Variants in SAMSN1 observed in about 807,000 individuals in gnomAD.
The protein encoded by SAMSN1 is SAM domain, SH3 domain and nuclear localization signals 1.
Under a neutral mutation model 42.0 loss-of-function variants are expected in SAMSN1, and 31 were observed. The ratio of observed to expected loss-of-function variants is 0.74; its 90% confidence interval spans 0.55 to 1.00. The LOEUF is 1.00. Ranked by LOEUF, SAMSN1 falls within the 50% of genes least tolerant of loss-of-function variation. The pLI is 0.00. For missense variants in SAMSN1, 464 were observed against 439.4 expected (o/e 1.06, Z -0.50); for synonymous variants, 178 against 151.9 (o/e 1.17, Z -1.26).
At position 14,577,048 on chromosome 21, in the gene SAMSN1, CTTT is replaced by C. The variant is rs991163598; in HGVS notation, c.261+5085_261+5087del. Reference sequence around the variant, plus strand: ...GTTTATGTCTAGATTGCATCCGTTTCTTTTTTTTTTTTTTTTTTTTTTTTTGAG... The same window carrying C: ...GTTTATGTCTAGATTGCATCCGTTTCTTTTTTTTTTTTTTTTTTTTTTGAG... On this transcript the variant is annotated intron_variant, in intron 2 of 8. Coordinates refer to the SAMSN1 transcript ENST00000285670. 2.5e-3 allele frequency among the ~76,000 whole-genome samples: 137 copies of C among 54,890 alleles called. 2 individuals carry two copies. The highest frequency in any genetic ancestry group is 9.5e-3 in the African/African-American group (130 of 13,646). The allele number at this position is 54,890 out of a possible 152,430, so 36.0% of individuals were successfully genotyped here.
chr21:14,603,019 G>T (rs984276994), intron 5 of SAMSN1, among the ~76,000 whole-genome samples: 2 of 152,166 alleles, frequency 1.3e-5, no homozygotes, highest in Non-Finnish European at 2.9e-5. Context: ...TATTTAAAAT[G>T]AGAGTAACCA....
intron 1 of SAMSN1, among the ~76,000 whole-genome samples, chr21:14,650,181 G>T (rs1405402639): frequency 1.3e-5 from 2 of 152,062 alleles, no homozygotes; most frequent in African/African-American, 4.8e-5. Flanking sequence ...CTTCACTATA[G>T]AGTAAATTGA....
chr21:14,564,982 T>C (rs1981063187), intron 2 of SAMSN1, among the ~76,000 whole-genome samples: 1 of 151,970 alleles, frequency 6.6e-6, no homozygotes, highest in African/African-American at 2.4e-5. Flanking sequence ...AGGGAGCTTG[T>C]AAAACCAAGA....
intron 1 of SAMSN1, among the ~76,000 whole-genome samples, chr21:14,652,705 G>T (rs142578854): frequency 6.6e-6 from 1 of 151,902 alleles, no homozygotes; most frequent in Non-Finnish European, 1.5e-5. Context: ...ATGTTGAAAA[G>T]CTTCCGCACA....
At position 14,577,278 on chromosome 21, in the gene SAMSN1, A is replaced by T. The variant is rs1170611192; in HGVS notation, c.261+4858T>A. On this transcript the variant is annotated intron_variant, in intron 2 of 8. Coordinates refer to the SAMSN1 transcript ENST00000285670. ...TATATATATATATATATATATATAT[A>T]TATATATTTTTTTTTTAGAAGAGAC... is the stretch of plus-strand genomic sequence containing the variant. Among the ~76,000 whole-genome samples the T allele has an allele frequency of 9.9e-3, 469 of 47,574 alleles. 31 individuals are homozygous for T. The highest frequency in any genetic ancestry group is 0.043 in the African/African-American group (312 of 7,320). The allele number at this position is 47,574 out of a possible 152,430, so 31.2% of individuals were successfully genotyped here.
At chr21:14,530,453 A>G (rs904013709) in intron 1 of SAMSN1, among the ~76,000 whole-genome samples, 2 of 152,198 alleles carry the variant, frequency 1.3e-5, no homozygotes, top group African/African-American at 2.4e-5. Context: ...AAATGTGTCT[A>G]GTATCTAATA....
intron 4 of SAMSN1, among the ~76,000 whole-genome samples, chr21:14,611,383 A>T (rs1982702962): frequency 6.6e-6 from 1 of 152,270 alleles, no homozygotes; most frequent in Admixed American, 6.5e-5. Flanking sequence ...CAGATAAATC[A>T]TTCTACATGT....
chr21:14,498,530 T>C lies in SAMSN1; in HGVS notation c.831A>G (p.Lys277=). The change falls in exon 7 of 8, where the codon AAA becomes AAG. Residue 277 remains lysine (K), a synonymous_variant. Coordinates refer to ENST00000400566, the MANE Select transcript of SAMSN1 (RefSeq NM_022136.5). The stretch of plus-strand genomic sequence containing the variant: ...TATTTAATTCAATGAGGTGACTCTC[T>C]TTTATATCTTTTAAATCTTCTAGAG... ...YETLEDLKDI[K]ESHLIELNIE... is the part of the protein sequence containing the mutation. The C allele has an allele frequency of 6.2e-7, 1 of 1,610,770 alleles. No homozygotes were observed. The highest frequency in any genetic ancestry group is 1.3e-5 in the African/African-American group (1 of 74,846).
intron 1 of SAMSN1, among the ~76,000 whole-genome samples, chr21:14,544,344 C>T (rs960399534): frequency 6.6e-6 from 1 of 152,100 alleles, no homozygotes; most frequent in Non-Finnish European, 1.5e-5. Flanking sequence ...AGCCCATGCA[C>T]CTGGACAGAT....
intron 5 of SAMSN1, among the ~76,000 whole-genome samples, chr21:14,506,011 A>G (rs965237364): frequency 6.6e-5 from 10 of 152,210 alleles, no homozygotes; most frequent in African/African-American, 9.6e-5. Flanking sequence ...AAATTAAAAA[A>G]TTCTTTGAAC....
At chr21:14,598,600 C>A (rs1021912082) in intron 6 of SAMSN1, among the ~76,000 whole-genome samples, 44 of 152,160 alleles carry the variant, frequency 2.9e-4, no homozygotes, top group Admixed American at 2.4e-3. Context: ...AAAGTGGGTA[C>A]TGGAGAAAGC....
intron 1 of SAMSN1, among the ~76,000 whole-genome samples, chr21:14,537,816 C>T (rs1038504798): frequency 6.6e-6 from 1 of 152,102 alleles, no homozygotes; most frequent in Non-Finnish European, 1.5e-5. Context: ...TGCTGAGTAT[C>T]TTGTTAAAAT....
At chr21:14,504,565 T>A (rs1987316762) in intron 5 of SAMSN1, among the ~76,000 whole-genome samples, 1 of 151,966 alleles carries the variant, frequency 6.6e-6, no homozygotes, top group South Asian at 2.1e-4. Flanking sequence ...AGAAAAAGAA[T>A]AAGAAAATAT....
chr21:14,489,333 G>A (rs117825494), intron 7 of SAMSN1, among the ~76,000 whole-genome samples: 3,170 of 152,146 alleles, frequency 0.021, 43 homozygotes, highest in South Asian at 0.026. Flanking sequence ...CTGATAATAC[G>A]CTAGGTTTAA....
chr21:14,642,285 G>A (rs1227853260), intron 2 of SAMSN1, among the ~76,000 whole-genome samples: 2 of 152,168 alleles, frequency 1.3e-5, no homozygotes, highest in African/African-American at 4.8e-5. Flanking sequence ...GTACAATTTT[G>A]TATAATGCAG....
At chr21:14,624,045 G>A (rs948428367) in intron 2 of SAMSN1, among the ~76,000 whole-genome samples, 2 of 152,100 alleles carry the variant, frequency 1.3e-5, no homozygotes, top group Non-Finnish European at 2.9e-5. Context: ...ACAACGAAAT[G>A]AAGGCAAAAA....
At chr21:14,526,051 A>G (rs1600895682) in intron 1 of SAMSN1, among the ~76,000 whole-genome samples, 1 of 152,010 alleles carries the variant, frequency 6.6e-6, no homozygotes, top group East Asian at 1.9e-4. Context: ...TATTTTTAGT[A>G]GAGACAGGGT....
Position 14,485,366 on chromosome 21 carries a change from C to A in SAMSN1, c.*546G>T, listed in dbSNP as rs1244372988. 1.3e-5 allele frequency: 2 copies of A among 152,370 alleles called. No homozygotes were observed. Among genetic ancestry groups the A allele is most frequent in the African/African-American group, 4.8e-5 (2 of 41,432 alleles). The allele number at this position is 152,370 out of a possible 1,614,324, so 9.4% of individuals were successfully genotyped here. A position where few individuals can be genotyped will look rare whatever the true frequency, so the allele number is the denominator to read the frequency against. ...CAGAAGTGACTACACATTATCTCTACTTTTATACCAGAAAACAAAATGAAG... is the reference window on the plus strand; with the variant it reads ...CAGAAGTGACTACACATTATCTCTAATTTTATACCAGAAAACAAAATGAAG... On this transcript the variant is annotated 3_prime_UTR_variant, in exon 8 of 8. Transcript: ENST00000400566.
At chr21:14,546,459 C>T, upstream of SAMSN1, 1 of 746,930 alleles carries the variant, frequency 1.3e-6, no homozygotes, top group Non-Finnish European at 1.9e-6. Flanking sequence ...TTTGGTAACT[C>T]TTTATTGTCT....
Sources: allele counts gnomAD v4.1 joint callset (sites outside exome capture counted in the v4.1 genomes callset), GRCh38; gene constraint gnomAD v4.1.1; transcripts MANE v1.5; gene names NCBI Gene and HGNC (gene_info 2026-07-23, HGNC 2026-07-21).